ENTREP2: variants seen among roughly 807,000 people sequenced by gnomAD.
The protein encoded by ENTREP2 is endosomal transmembrane epsin interactor 2.
At chr15:29,460,096 T>C in the ENTREP2 span, among the ~76,000 whole-genome samples, 1 of 150,988 alleles carries the variant, frequency 6.6e-6, no homozygotes, top group Non-Finnish European at 1.5e-5. Flanking sequence ...AAAACATTTT[T>C]TTTTTAATAG....
At chr15:29,315,510 G>A in the ENTREP2 span, among the ~76,000 whole-genome samples, 1 of 152,142 alleles carries the variant, frequency 6.6e-6, no homozygotes, top group African/African-American at 2.4e-5. Context: ...AGATGGGATG[G>A]CCATATGGAA....
chr15:29,411,158 T>C, the ENTREP2 span, among the ~76,000 whole-genome samples: 2 of 152,230 alleles, frequency 1.3e-5, no homozygotes, highest in Admixed American at 6.5e-5. Context: ...TCATGTACTA[T>C]TCGTTGATGA....
At chr15:29,206,176 A>G in the ENTREP2 span, among the ~76,000 whole-genome samples, 2 of 152,194 alleles carry the variant, frequency 1.3e-5, no homozygotes, top group Non-Finnish European at 2.9e-5. Context: ...TTAAAACACC[A>G]GCAGATTTGG....
the ENTREP2 span, among the ~76,000 whole-genome samples, chr15:29,339,353 C>G: frequency 1.1e-4 from 17 of 152,252 alleles, no homozygotes; most frequent in African/African-American, 4.1e-4. Context: ...ATTCTAATGG[C>G]TAGTGGGGTG....
At chr15:29,161,359 A>G in the ENTREP2 span, among the ~76,000 whole-genome samples, 1 of 152,206 alleles carries the variant, frequency 6.6e-6, no homozygotes. Flanking sequence ...GGCCCTTAGC[A>G]TCACCCTGAG....
the ENTREP2 span, among the ~76,000 whole-genome samples, chr15:29,160,128 A>G: frequency 6.6e-6 from 1 of 152,200 alleles, no homozygotes; most frequent in Admixed American, 6.5e-5. Flanking sequence ...CCAGGTGCTA[A>G]GCCCCTCACT....
At chr15:29,656,913 T>C in the ENTREP2 span, among the ~76,000 whole-genome samples, 1 of 152,180 alleles carries the variant, frequency 6.6e-6, no homozygotes, top group African/African-American at 2.4e-5. Flanking sequence ...TTAAAGCAGC[T>C]TTTTATGACC....
At chr15:29,556,863 G>C in the ENTREP2 span, among the ~76,000 whole-genome samples, 1 of 151,480 alleles carries the variant, frequency 6.6e-6, no homozygotes, top group Non-Finnish European at 1.5e-5. Flanking sequence ...AGTGTGACTG[G>C]GGCACAATGT....
At chr15:29,222,579 G>A in the ENTREP2 span, among the ~76,000 whole-genome samples, 1 of 152,038 alleles carries the variant, frequency 6.6e-6, no homozygotes, top group Non-Finnish European at 1.5e-5. Context: ...AGTGGACCAC[G>A]TTTTCCTCCT....
chr15:29,291,897 T>C, the ENTREP2 span, among the ~76,000 whole-genome samples: 1 of 152,056 alleles, frequency 6.6e-6, no homozygotes, highest in East Asian at 1.9e-4. Flanking sequence ...ATTTAAAATA[T>C]CAGTTCAAAG....
the ENTREP2 span, among the ~76,000 whole-genome samples, chr15:29,584,282 A>G: frequency 6.6e-6 from 1 of 152,242 alleles, no homozygotes; most frequent in Non-Finnish European, 1.5e-5. Flanking sequence ...TGTTTCTCCA[A>G]CAAAGGAAAG....
At chr15:29,415,755 C>T in the ENTREP2 span, among the ~76,000 whole-genome samples, 15 of 152,124 alleles carry the variant, frequency 9.9e-5, no homozygotes, top group Non-Finnish European at 1.8e-4. Flanking sequence ...AAAACCCCGT[C>T]GTCTCAGCCC....
the ENTREP2 span, among the ~76,000 whole-genome samples, chr15:29,402,139 C>A: frequency 1.9e-4 from 29 of 151,940 alleles, no homozygotes; most frequent in African/African-American, 6.0e-4. Context: ...CAGTATTAAC[C>A]AAAGGATTAT....
chr15:29,331,987 T>C, the ENTREP2 span, among the ~76,000 whole-genome samples: 220 of 152,308 alleles, frequency 1.4e-3, 1 homozygote, highest in African/African-American at 5.0e-3. Context: ...TCTCCAACAC[T>C]GTCAGCCTGA....
chr15:29,547,326 G>A, the ENTREP2 span, among the ~76,000 whole-genome samples: 2 of 151,934 alleles, frequency 1.3e-5, no homozygotes, highest in African/African-American at 4.8e-5. Flanking sequence ...CTGACGTTGT[G>A]ATCCACCCGC....
At chr15:29,191,077 C>T in the ENTREP2 span, among the ~76,000 whole-genome samples, 58 of 152,194 alleles carry the variant, frequency 3.8e-4, no homozygotes, top group African/African-American at 1.2e-3. Context: ...AAAGCAACAC[C>T]GGATCCCTGC....
At chr15:29,362,042 C>T in the ENTREP2 span, among the ~76,000 whole-genome samples, 1 of 152,156 alleles carries the variant, frequency 6.6e-6, no homozygotes. Flanking sequence ...TCACTCCAGC[C>T]ATAAAGAAAC....
the ENTREP2 span, among the ~76,000 whole-genome samples, chr15:29,490,339 A>G: frequency 9.8e-5 from 15 of 152,336 alleles, no homozygotes; most frequent in Non-Finnish European, 1.6e-4. Flanking sequence ...CCTAAGAGTG[A>G]GCAGTGGCAA....
the ENTREP2 span, chr15:29,123,733 C>A: frequency 1.4e-6 from 2 of 1,399,846 alleles, no homozygotes; most frequent in South Asian, 1.4e-5. Context: ...AAAGCCTGCT[C>A]GGGAGGAGCC....
Sources: gnomAD v4.1 joint callset for allele counts (sites outside exome capture counted in the v4.1 genomes callset) on GRCh38, gnomAD v4.1.1 for gene constraint, MANE v1.5 for transcripts, NCBI Gene and HGNC (gene_info 2026-07-23, HGNC 2026-07-21) for gene names.